Variants in NNT observed in about 807,000 individuals in gnomAD.
NNT encodes the protein nicotinamide nucleotide transhydrogenase, also known as NAD(P) transhydrogenase, mitochondrial.
NNT carries 50 observed loss-of-function variants against 104.8 expected under a neutral mutation model. The observed-to-expected ratio is 0.48, with a 90% CI of 0.38 to 0.60. NNT has a LOEUF of 0.60. Ranked by LOEUF, NNT falls within the 20% of genes least tolerant of loss-of-function variation. NNT has a pLI of 0.00. For missense variants in NNT, 1,131 were observed against 1,330.7 expected, an observed-to-expected ratio of 0.85 and a Z score of 2.33; for synonymous variants, 461 against 490.4, an observed-to-expected ratio of 0.94 and a Z score of 0.79.
chr5:43,619,653 A>G (rs564943051), intron 5 of NNT, among the ~76,000 whole-genome samples: 2 of 152,326 alleles, frequency 1.3e-5, no homozygotes, highest in East Asian at 1.9e-4. Context: ...TGGCTTGCTG[A>G]AAGAATAGGA....
At chr5:43,698,318 G>A (rs1742668521) in intron 19 of NNT, among the ~76,000 whole-genome samples, 1 of 151,510 alleles carries the variant, frequency 6.6e-6, no homozygotes, top group African/African-American at 2.4e-5. Flanking sequence ...GTCTCTGTGG[G>A]GTCTGCACAT....
chr5:43,651,852 G>C lies in NNT; in HGVS notation c.1831G>C (p.Ala611Pro). 1.2e-6 allele frequency: 2 copies of C among 1,614,050 alleles called. No homozygotes were observed. Among genetic ancestry groups the C allele is most frequent in the Non-Finnish European group, 1.7e-6 (2 of 1,180,008 alleles). The change falls in exon 13 of 22, where the codon GCT becomes CCT. Residue 611 changes from alanine to proline, a missense_variant. By Grantham distance (27) the Ala-to-Pro change is conservative (BLOSUM62 -1). Transcript: ENST00000344920. ...PAGTFVGGYL[A>P]ALYSGYNIEQ... Reference sequence around the variant, plus strand: ...CGGCACCTTTGTTGGTGGATATTTAGCTGCCCTCTACAGTGGTTATAACAT... The same window carrying C: ...CGGCACCTTTGTTGGTGGATATTTACCTGCCCTCTACAGTGGTTATAACAT...
At chr5:43,635,460 G>A (rs1750883836) in intron 7 of NNT, among the ~76,000 whole-genome samples, 1 of 152,156 alleles carries the variant, frequency 6.6e-6, no homozygotes, top group Non-Finnish European at 1.5e-5. Context: ...TAGTCATGTG[G>A]CCAAACTTAA....
intron 2 of NNT, among the ~76,000 whole-genome samples, chr5:43,609,926 C>A (rs529346436): frequency 6.6e-6 from 1 of 152,162 alleles, no homozygotes; most frequent in Non-Finnish European, 1.5e-5. Context: ...ACTGATGCAC[C>A]AGTCTTCTAA....
chr5:43,664,918 A>G (rs894409177), intron 17 of NNT, among the ~76,000 whole-genome samples: 3 of 152,208 alleles, frequency 2.0e-5, no homozygotes, highest in Non-Finnish European at 4.4e-5. Flanking sequence ...CAAGTTGACT[A>G]TGATGGTTAA....
intron 5 of NNT, among the ~76,000 whole-genome samples, chr5:43,621,566 G>GT (rs997710624): frequency 2.2e-4 from 33 of 148,118 alleles, no homozygotes; most frequent in Middle Eastern, 3.4e-3. Context: ...TTTTGACTTG[G>GT]TTTTTTTTTT....
chr5:43,700,095 G>A (rs1742770808), intron 19 of NNT, 24 bp from the exon 20 acceptor site: 3 of 1,581,062 alleles, frequency 1.9e-6, no homozygotes, highest in South Asian at 1.1e-5. Context: ...AGTAAGGCCA[G>A]CTCTTCATTT....
intron 1 of NNT, among the ~76,000 whole-genome samples, chr5:43,608,749 A>T (rs1749352830): frequency 6.6e-6 from 1 of 152,212 alleles, no homozygotes; most frequent in Admixed American, 6.5e-5. Context: ...AGGTAACTGA[A>T]TTACATGCAC....
intron 6 of NNT, among the ~76,000 whole-genome samples, chr5:43,626,339 A>G (rs925777355): frequency 1.3e-5 from 2 of 152,086 alleles, no homozygotes; most frequent in Non-Finnish European, 2.9e-5. Context: ...CAAATACTAC[A>G]CTGTCTTTTA....
chr5:43,662,768 C>T (rs1021756442), intron 17 of NNT, among the ~76,000 whole-genome samples: 29 of 151,936 alleles, frequency 1.9e-4, no homozygotes, highest in Non-Finnish European at 3.5e-4. Context: ...TGGCACATGC[C>T]TATAGTCCCA....
chr5:43,674,167 T>A (rs996799320), intron 17 of NNT, among the ~76,000 whole-genome samples: 5 of 152,178 alleles, frequency 3.3e-5, no homozygotes, highest in African/African-American at 1.2e-4. Context: ...CAATGTTGTG[T>A]CTGATAAACG....
chr5:43,635,489 A>G (rs1434438050), intron 7 of NNT, among the ~76,000 whole-genome samples: 9 of 152,190 alleles, frequency 5.9e-5, no homozygotes, highest in South Asian at 4.1e-4. Context: ...GAAGCTGGGA[A>G]TTGTCTAGCT....
chr5:43,686,027 C>T (rs997564021), intron 19 of NNT, among the ~76,000 whole-genome samples: 1 of 152,042 alleles, frequency 6.6e-6, no homozygotes, highest in Non-Finnish European at 1.5e-5. Flanking sequence ...TTCTTGTATA[C>T]ACTTATATTA....
chr5:43,631,136 C>T (rs1222425171), intron 7 of NNT, among the ~76,000 whole-genome samples: 2 of 152,282 alleles, frequency 1.3e-5, no homozygotes, highest in East Asian at 3.9e-4. Flanking sequence ...CCGCATCCCC[C>T]CAGAGCGGCT....
intron 19 of NNT, among the ~76,000 whole-genome samples, chr5:43,694,738 TTGTGTGTGTGTGTG>T (rs61079918): frequency 2.8e-4 from 39 of 137,910 alleles, no homozygotes; most frequent in Middle Eastern, 3.6e-3. Flanking sequence ...GGCCTAAAGT[TTGTGTGTGTGTGTG>T]TGTGTGTGTG....
At chr5:43,640,197 G>T (rs1305220462) in intron 7 of NNT, among the ~76,000 whole-genome samples, 1 of 151,970 alleles carries the variant, frequency 6.6e-6, no homozygotes, top group Non-Finnish European at 1.5e-5. Context: ...AGCTGTCTCT[G>T]GGGTGTAGAG....
rs1297301467 is a variant in NNT at position 43,659,164 on chromosome 5, G to T, written c.2455-7G>T. Reference sequence around the variant, plus strand: ...AATTTTGAGTTCTGATTTGATTGTTGTTCTAGGGTGTGACTTTGACAGCTG... The same window carrying T: ...AATTTTGAGTTCTGATTTGATTGTTTTTCTAGGGTGTGACTTTGACAGCTG... On this transcript the variant is annotated splice_polypyrimidine_tract_variant and splice_region_variant and intron_variant, in intron 16 of 21. Coordinates refer to ENST00000344920, the MANE Select transcript of NNT (RefSeq NM_182977.3). 2 of 1,589,452 alleles carry T rather than the reference G, an allele frequency of 1.3e-6. No homozygotes were observed. Among genetic ancestry groups the T allele is most frequent in the East Asian group, 2.3e-5 (1 of 43,754 alleles).
At chr5:43,637,462 C>CT (rs1164762728) in intron 7 of NNT, among the ~76,000 whole-genome samples, 1 of 152,104 alleles carries the variant, frequency 6.6e-6, no homozygotes, top group Admixed American at 6.6e-5. Context: ...ATTAGGATGC[C>CT]TTTAGCTGCC....
At chr5:43,671,823 G>A (rs948509485) in intron 17 of NNT, among the ~76,000 whole-genome samples, 1 of 152,142 alleles carries the variant, frequency 6.6e-6, no homozygotes. Context: ...GAATTTGAAT[G>A]TTGGCCTGCC....
Sources: gnomAD v4.1 joint callset for allele counts (sites outside exome capture counted in the v4.1 genomes callset) on GRCh38, gnomAD v4.1.1 for gene constraint, MANE v1.5 for transcripts, NCBI Gene and HGNC (gene_info 2026-07-23, HGNC 2026-07-21) for gene names.